The following SLC2A1 variants were observed in gnomAD, a reference collection of about 807,000 sequenced individuals.
SLC2A1 encodes solute carrier family 2 member 1, also known as solute carrier family 2, facilitated glucose transporter member 1.
SLC2A1 carries 4 observed loss-of-function variants against 46.6 expected under a neutral mutation model. That is an observed-to-expected ratio of 0.09 (90% CI 0.04 to 0.20). The LOEUF is 0.20. SLC2A1 is among the 10% of genes least tolerant of loss of function. The pLI is 1.00. For synonymous variants in SLC2A1, 253 were observed against 270.0 expected, an observed-to-expected ratio of 0.94 and a Z score of 0.62; for missense variants, 352 against 667.0, an observed-to-expected ratio of 0.53 and a Z score of 5.20.
At position 42,930,102 on chromosome 1, in the gene SLC2A1, G is replaced by T. The variant is rs1643473113; in HGVS notation, c.517-67C>A. 1.9e-6 allele frequency: 3 copies of T among 1,576,518 alleles called. No homozygotes were observed. Among genetic ancestry groups the T allele is most frequent in the Non-Finnish European group, 2.6e-6 (3 of 1,152,752 alleles). The stretch of plus-strand genomic sequence containing the variant: ...CTTTCCCACCCCGTCCTGCCAGAGT[G>T]GCCTTCCCTACTTTGTGTCAGCTGC... On this transcript the variant is annotated intron_variant, in intron 4 of 9. Coordinates refer to ENST00000426263, the MANE Select transcript of SLC2A1 (RefSeq NM_006516.4). The surrounding 1 kb of genome is among the most constrained non-coding windows in gnomAD (Gnocchi z 6.2).
At chr1:42,928,658 A>C (rs916957257) in intron 8 of SLC2A1, among the ~76,000 whole-genome samples, 12 of 152,172 alleles carry the variant, frequency 7.9e-5, no homozygotes, top group African/African-American at 2.4e-4. Flanking sequence ...AAGGGTTAAT[A>C]TTAGGCAAAG....
At chr1:42,950,018 C>T (rs561517442) in intron 1 of SLC2A1, among the ~76,000 whole-genome samples, 1 of 152,262 alleles carries the variant, frequency 6.6e-6, no homozygotes, top group Admixed American at 6.5e-5. Flanking sequence ...ACAGCCCGGG[C>T]ACAGGCTCAG....
At position 42,941,970 on chromosome 1, in the gene SLC2A1, C is replaced by T. The variant is rs556331541; in HGVS notation, c.114+1256G>A. 2.6e-5 allele frequency among the ~76,000 whole-genome samples: 4 copies of T among 152,364 alleles called. 1 individual carries two copies. Among genetic ancestry groups the T allele is most frequent in the African/African-American group, 4.8e-5 (2 of 41,582 alleles). Reference sequence around the variant, plus strand: ...TTCCTGGTGACTTGCTCCTCAGCATCGGGCGTGGCCCCATAGCCACTGTCT... The same window carrying T: ...TTCCTGGTGACTTGCTCCTCAGCATTGGGCGTGGCCCCATAGCCACTGTCT... On this transcript the variant is annotated intron_variant, in intron 2 of 9. Transcript: ENST00000426263.
intron 2 of SLC2A1, among the ~76,000 whole-genome samples, chr1:42,942,232 G>C (rs1643605329): frequency 6.6e-6 from 1 of 152,210 alleles, no homozygotes; most frequent in Non-Finnish European, 1.5e-5. Context: ...AACAGAGCTT[G>C]GCTTCTGACT....
intron 2 of SLC2A1, among the ~76,000 whole-genome samples, chr1:42,940,441 C>A (rs1325912032): frequency 6.6e-6 from 1 of 152,210 alleles, no homozygotes; most frequent in Non-Finnish European, 1.5e-5. Context: ...AGGACACGGC[C>A]GTGGACAAAC....
At chr1:42,944,479 G>A (rs923673167) in intron 1 of SLC2A1, among the ~76,000 whole-genome samples, 1 of 152,206 alleles carries the variant, frequency 6.6e-6, no homozygotes, top group East Asian at 1.9e-4. Flanking sequence ...CTGGAAGTGG[G>A]TGGAGCTGGC....
chr1:42,933,402 G>A (rs545600599), intron 2 of SLC2A1, among the ~76,000 whole-genome samples: 11 of 152,196 alleles, frequency 7.2e-5, no homozygotes, highest in Admixed American at 1.3e-4. Context: ...CGAGATCCAG[G>A]TTTCCCTGAC....
rs558571772 is a variant in SLC2A1, at chr1:42,930,552, T to C, written c.516+74A>G. On this transcript the variant is annotated intron_variant, in intron 4 of 9. Coordinates refer to ENST00000426263, the MANE Select transcript of SLC2A1 (RefSeq NM_006516.4). The surrounding 1 kb of genome is among the most constrained non-coding windows in gnomAD (Gnocchi z 6.2). ...GGGCGGAAGAGAAACTCTGCCCTGCTGGGCACAGATCCGAGAGCCACTGAA... is the reference window on the plus strand; with the variant it reads ...GGGCGGAAGAGAAACTCTGCCCTGCCGGGCACAGATCCGAGAGCCACTGAA... 12 of 1,591,968 alleles carry C rather than the reference T, an allele frequency of 7.5e-6. 1 individual carries two copies. In the African/African-American group the frequency reaches 1.1e-4, roughly 14 times the overall value.
intron 2 of SLC2A1, among the ~76,000 whole-genome samples, chr1:42,937,135 C>T (rs1354667297): frequency 6.6e-6 from 1 of 152,228 alleles, no homozygotes; most frequent in African/African-American, 2.4e-5. Context: ...CTTCCCTGCT[C>T]CCACTGTGCT....
intron 2 of SLC2A1, among the ~76,000 whole-genome samples, chr1:42,938,493 T>A (rs753808780): frequency 4.6e-5 from 7 of 152,190 alleles, no homozygotes; most frequent in Non-Finnish European, 8.8e-5. Flanking sequence ...GGTAGTATGA[T>A]TAATTAACCA....
At chr1:42,952,602 C>T in intron 1 of SLC2A1, 1 of 306,202 alleles carries the variant, frequency 3.3e-6, no homozygotes, top group Non-Finnish European at 6.6e-6. Flanking sequence ...GAGCCCAGAG[C>T]AGAATCTGTT....
At chr1:42,940,474 GA>G (rs1455240885) in intron 2 of SLC2A1, among the ~76,000 whole-genome samples, 3 of 152,186 alleles carry the variant, frequency 2.0e-5, no homozygotes, top group African/African-American at 7.2e-5. Context: ...CTGGCCCTTC[GA>G]TGGCTTACAT....
intron 2 of SLC2A1, 161 bp downstream of exon 2, chr1:42,943,065 T>A: frequency 1.5e-6 from 1 of 678,474 alleles, no homozygotes; most frequent in Non-Finnish European, 2.7e-6. Context: ...AAGAGAAGAG[T>A]CTCTGACATG....
chr1:42,930,091 C>T lies in SLC2A1; in HGVS notation c.517-56G>A. The T allele has an allele frequency of 6.2e-7, 1 of 1,601,716 alleles. No homozygotes were observed. The highest frequency in any genetic ancestry group is 1.1e-5 in the South Asian group (1 of 90,184). On this transcript the variant is annotated intron_variant, in intron 4 of 9. Transcript: ENST00000426263. The surrounding 1 kb of genome is among the most constrained non-coding windows in gnomAD (Gnocchi z 6.2). ...GCCCTGACCCCCTTTCCCACCCCGT[C>T]CTGCCAGAGTGGCCTTCCCTACTTT...
chr1:42,944,896 G>A (rs1178659070), intron 1 of SLC2A1, among the ~76,000 whole-genome samples: 1 of 150,870 alleles, frequency 6.6e-6, no homozygotes, highest in African/African-American at 2.4e-5. Context: ...CCCACCCCCC[G>A]TATGTCCTGG....
intron 2 of SLC2A1, among the ~76,000 whole-genome samples, chr1:42,940,865 A>G (rs1643590674): frequency 6.6e-6 from 1 of 152,150 alleles, no homozygotes; most frequent in African/African-American, 2.4e-5. Context: ...AGACCCATAC[A>G]TACAGGTGCC....
intron 1 of SLC2A1, among the ~76,000 whole-genome samples, chr1:42,955,336 C>T (rs1420830317): frequency 6.6e-6 from 1 of 152,182 alleles, no homozygotes; most frequent in Non-Finnish European, 1.5e-5. Flanking sequence ...TGGCCGGGTG[C>T]GGTAGCTCAC....
intron 1 of SLC2A1, 88 bp downstream of exon 1, chr1:42,958,546 G>A (rs1643806442): frequency 1.7e-6 from 2 of 1,171,172 alleles, no homozygotes; most frequent in Non-Finnish European, 2.2e-6. Flanking sequence ...AGCGCAGCGG[G>A]GCGGCGGGGG....
intron 1 of SLC2A1, among the ~76,000 whole-genome samples, chr1:42,943,893 T>C (rs970015629): frequency 8.5e-5 from 13 of 152,108 alleles, no homozygotes; most frequent in African/African-American, 3.1e-4. Context: ...ACAGCTTCGT[T>C]TGTCACATTG....
Sources: gnomAD v4.1 joint callset for allele counts (sites outside exome capture counted in the v4.1 genomes callset) on GRCh38, gnomAD v4.1.1 for gene constraint, Gnocchi (gnomAD v3.1) non-coding constraint, MANE v1.5 for transcripts, NCBI Gene and HGNC (gene_info 2026-07-23, HGNC 2026-07-21) for gene names.